Variants in CHCHD3 observed in about 807,000 individuals in gnomAD.
CHCHD3 encodes coiled-coil-helix-coiled-coil-helix domain containing 3.
Under a neutral mutation model 38.2 loss-of-function variants are expected in CHCHD3, and 20 were observed. That is an observed-to-expected ratio of 0.52 (90% CI 0.37 to 0.76). CHCHD3 has a LOEUF of 0.76. CHCHD3 is among the 30% of genes least tolerant of loss of function. The pLI is 0.00. For synonymous variants in CHCHD3, 82 were observed against 100.0 expected, an observed-to-expected ratio of 0.82 and a Z score of 1.07; for missense variants, 245 against 279.2, an observed-to-expected ratio of 0.88 and a Z score of 0.87.
chr7:133,072,194 A>C (rs2117542681), intron 1 of CHCHD3, among the ~76,000 whole-genome samples: 1 of 151,938 alleles, frequency 6.6e-6, no homozygotes, highest in South Asian at 2.1e-4. Context: ...AAGTGTTGGA[A>C]TGTAAACTTA....
At chr7:132,846,714 C>T (rs1808085558) in intron 5 of CHCHD3, among the ~76,000 whole-genome samples, 1 of 152,196 alleles carries the variant, frequency 6.6e-6, no homozygotes, top group Non-Finnish European at 1.5e-5. Flanking sequence ...CAATTCTAAA[C>T]AGCACTTCAA....
intron 4 of CHCHD3, among the ~76,000 whole-genome samples, chr7:132,914,815 G>T (rs1585633077): frequency 6.6e-6 from 1 of 152,260 alleles, no homozygotes; most frequent in East Asian, 1.9e-4. Context: ...ACTTGGAAAC[G>T]ATGAGGAAGA....
intron 1 of CHCHD3, among the ~76,000 whole-genome samples, chr7:133,073,016 T>A (rs540420461): frequency 6.6e-6 from 1 of 152,230 alleles, no homozygotes; most frequent in South Asian, 2.1e-4. Context: ...ACTCTCTGGC[T>A]TTTACCCTCA....
At chr7:132,839,739 T>C (rs758976813) in intron 5 of CHCHD3, among the ~76,000 whole-genome samples, 1 of 152,236 alleles carries the variant, frequency 6.6e-6, no homozygotes, top group Non-Finnish European at 1.5e-5. Flanking sequence ...TCCAGGATTC[T>C]TGGATGTAGA....
At chr7:132,854,632 A>G (rs927060098) in intron 5 of CHCHD3, among the ~76,000 whole-genome samples, 2 of 152,186 alleles carry the variant, frequency 1.3e-5, no homozygotes, top group Non-Finnish European at 2.9e-5. Context: ...TTAAAGCCCT[A>G]TTTATTATTG....
intron 7 of CHCHD3, among the ~76,000 whole-genome samples, chr7:132,794,640 AC>A (rs1245081063): frequency 6.6e-6 from 1 of 152,184 alleles, no homozygotes; most frequent in Non-Finnish European, 1.5e-5. Flanking sequence ...GATACTCCAA[AC>A]ATACTAGCTG....
chr7:132,802,832 C>G (rs1470888406), intron 6 of CHCHD3, among the ~76,000 whole-genome samples: 1 of 151,928 alleles, frequency 6.6e-6, no homozygotes, highest in Non-Finnish European at 1.5e-5. Context: ...TTAGAACAAC[C>G]ATGTACTCAT....
In CHCHD3 at chr7:132,796,499, G is replaced by T. The variant is rs1806617375; in HGVS notation, c.603C>A (p.Thr201=). The T allele has an allele frequency of 6.2e-7, 1 of 1,613,886 alleles. No individual in the cohort carries two copies. Among genetic ancestry groups the T allele is most frequent in the Non-Finnish European group, 8.5e-7 (1 of 1,179,886 alleles). The change falls in exon 7 of 8, where the codon ACC becomes ACA. Residue 201 remains threonine, a synonymous_variant. Transcript: ENST00000262570. ...GGGTGGCCAGAGCGGAGCATTTGAG[G>T]GTCTGGTGGGTGTTCTCACGGTAAC... ...LQCYRENTHQ[T]LKCSALATQY... is the part of the protein sequence containing the mutation.
At chr7:133,064,383 A>G (rs1175842998) in intron 2 of CHCHD3, among the ~76,000 whole-genome samples, 1 of 152,238 alleles carries the variant, frequency 6.6e-6, no homozygotes, top group African/African-American at 2.4e-5. Context: ...AAAAAAGTAC[A>G]CAGTTGAGAC....
At chr7:133,045,889 C>T (rs1421528432) in intron 2 of CHCHD3, among the ~76,000 whole-genome samples, 1 of 152,072 alleles carries the variant, frequency 6.6e-6, no homozygotes, top group Non-Finnish European at 1.5e-5. Flanking sequence ...TGATGTACCC[C>T]CTTCCCTTTC....
intron 5 of CHCHD3, among the ~76,000 whole-genome samples, chr7:132,879,543 T>C (rs987939687): frequency 1.3e-5 from 2 of 152,068 alleles, no homozygotes; most frequent in African/African-American, 4.8e-5. Context: ...CCCTTCATCC[T>C]GGAAGACCCA....
At chr7:133,011,696 T>C (rs1224011325) in intron 3 of CHCHD3, among the ~76,000 whole-genome samples, 1 of 152,156 alleles carries the variant, frequency 6.6e-6, no homozygotes, top group African/African-American at 2.4e-5. Flanking sequence ...TCATTTCTAA[T>C]ATATTTTAAA....
chr7:133,056,295 C>G (rs1295359627), intron 2 of CHCHD3, among the ~76,000 whole-genome samples: 1 of 152,166 alleles, frequency 6.6e-6, no homozygotes, highest in African/African-American at 2.4e-5. Context: ...TTATAATTCA[C>G]AGAAATCACC....
At chr7:132,877,084 A>G (rs774968700) in intron 5 of CHCHD3, among the ~76,000 whole-genome samples, 1 of 152,164 alleles carries the variant, frequency 6.6e-6, no homozygotes, top group Non-Finnish European at 1.5e-5. Flanking sequence ...ATGATTTGCA[A>G]ATCTTTCCTC....
At chr7:132,815,886 GACATC>G (rs1563243788) in intron 6 of CHCHD3, among the ~76,000 whole-genome samples, 1 of 152,174 alleles carries the variant, frequency 6.6e-6, no homozygotes, top group Non-Finnish European at 1.5e-5. Flanking sequence ...GCCAGTGACA[GACATC>G]ACTAATCAAT....
intron 4 of CHCHD3, among the ~76,000 whole-genome samples, chr7:132,929,327 G>A (rs1472748260): frequency 6.6e-6 from 1 of 151,926 alleles, no homozygotes; most frequent in East Asian, 1.9e-4. Context: ...TTTGTTGGCT[G>A]CTTGAACACT....
chr7:133,055,966 G>A (rs1014996489), intron 2 of CHCHD3, among the ~76,000 whole-genome samples: 13 of 151,988 alleles, frequency 8.6e-5, no homozygotes, highest in Non-Finnish European at 1.9e-4. Flanking sequence ...GCAACAGAGT[G>A]AGACCCCGTC....
At chr7:132,839,481 C>T (rs143328233) in intron 5 of CHCHD3, among the ~76,000 whole-genome samples, 2 of 152,086 alleles carry the variant, frequency 1.3e-5, no homozygotes, top group African/African-American at 4.8e-5. Flanking sequence ...CCCCATGAGC[C>T]CTAAGACTCA....
At chr7:132,814,288 T>C (rs1807145549) in intron 6 of CHCHD3, among the ~76,000 whole-genome samples, 1 of 152,198 alleles carries the variant, frequency 6.6e-6, no homozygotes, top group South Asian at 2.1e-4. Context: ...GGCCTAGACA[T>C]GCCGGTGTTA....
Sources: allele counts gnomAD v4.1 joint callset (sites outside exome capture counted in the v4.1 genomes callset), GRCh38; gene constraint gnomAD v4.1.1; transcripts MANE v1.5; gene names NCBI Gene and HGNC (gene_info 2026-07-23, HGNC 2026-07-21).